Variants in TBXAS1 observed in about 807,000 individuals in gnomAD.
The protein encoded by TBXAS1 is thromboxane A synthase 1.
A neutral mutation model predicts 60.7 loss-of-function variants in TBXAS1; 48 were observed. The ratio of observed to expected loss-of-function variants is 0.79; its 90% confidence interval spans 0.63 to 1.01. The LOEUF (loss-of-function observed/expected upper bound fraction) is 1.01. Ranked by LOEUF, TBXAS1 falls within the 50% of genes least tolerant of loss-of-function variation. The probability of loss-of-function intolerance (pLI) is 0.00; values close to 1 mark genes in which losing one functional copy is unlikely to be tolerated. For missense variants in TBXAS1, 685 were observed against 686.3 expected (o/e 1.00, Z 0.02); for synonymous variants, 287 against 269.7 (o/e 1.06, Z -0.63).
chr7:139,906,825 T>C (rs1444141437), intron 3 of TBXAS1, among the ~76,000 whole-genome samples: 1 of 152,230 alleles, frequency 6.6e-6, no homozygotes, highest in East Asian at 1.9e-4. Flanking sequence ...GTGCTTTCAT[T>C]TGGTTTACAC....
At chr7:139,905,041 TTCTTTCTTTCTTTCTTTC>T (rs1453050925) in intron 3 of TBXAS1, among the ~76,000 whole-genome samples, 4 of 88,068 alleles carry the variant, frequency 4.5e-5, no homozygotes, top group South Asian at 4.3e-4. Context: ...CTTTCTTTCT[TTCTTTCTTTCTTTCTTTC>T]TCTCTCTCTC....
intron 3 of TBXAS1, among the ~76,000 whole-genome samples, chr7:139,905,938 A>AT (rs140192408): frequency 0.032 from 4,762 of 149,986 alleles, 165 homozygotes; most frequent in African/African-American, 0.087. Flanking sequence ...ATTTTCAAAG[A>AT]TTTTTTTTTT....
Position 140,016,197 on chromosome 7 carries a change from G to A in TBXAS1, c.1364+337G>A, listed in dbSNP as rs191417732. On this transcript the variant is annotated intron_variant, in intron 11 of 12. Coordinates refer to ENST00000448866, the MANE Select transcript of TBXAS1 (RefSeq NM_001061.7). The stretch of plus-strand genomic sequence containing the variant: ...CAAAAACTTAGCTGGGCGTGGTGGC[G>A]GGCGCCTGTAGTCCCAGCTACTTGG... Among the ~76,000 whole-genome samples the A allele has an allele frequency of 2.4e-3, 361 of 151,932 alleles. 3 individuals are homozygous for A. The highest frequency in any genetic ancestry group is 0.014 in the Admixed American group (206 of 15,258).
intron 4 of TBXAS1, among the ~76,000 whole-genome samples, chr7:139,797,952 T>C (rs1026575120): frequency 6.6e-6 from 1 of 152,224 alleles, no homozygotes; most frequent in African/African-American, 2.4e-5. Context: ...GAAATTCTTC[T>C]CCTTGGAACA....
intron 4 of TBXAS1, among the ~76,000 whole-genome samples, chr7:139,804,190 G>T (rs1364437528): frequency 2.0e-5 from 3 of 152,242 alleles, no homozygotes; most frequent in African/African-American, 7.2e-5. Flanking sequence ...GCTTGTGTCA[G>T]CATGCCCTGG....
intron 3 of TBXAS1, among the ~76,000 whole-genome samples, chr7:139,892,798 G>C (rs572532183): frequency 6.6e-6 from 1 of 152,082 alleles, no homozygotes; most frequent in Non-Finnish European, 1.5e-5. Context: ...GGAGTCTGCC[G>C]AATTCAGAAG....
intron 5 of TBXAS1, among the ~76,000 whole-genome samples, chr7:139,953,150 A>T (rs559921182): frequency 6.6e-6 from 1 of 152,370 alleles, no homozygotes; most frequent in South Asian, 2.1e-4. Context: ...TTCCAAAGAT[A>T]AAAAATGCTT....
intron 9 of TBXAS1, among the ~76,000 whole-genome samples, chr7:139,977,600 C>T (rs1811658702): frequency 6.6e-6 from 1 of 152,150 alleles, no homozygotes; most frequent in Non-Finnish European, 1.5e-5. Context: ...CAGGCCCACA[C>T]CTTGTCTCAG....
At chr7:139,947,909 G>A (rs1440598829) in intron 5 of TBXAS1, among the ~76,000 whole-genome samples, 3 of 151,764 alleles carry the variant, frequency 2.0e-5, no homozygotes, top group Non-Finnish European at 4.4e-5. Context: ...CTGTCACCCA[G>A]GCTGGAGTGC....
At chr7:139,891,459 C>A (rs922682339) in intron 3 of TBXAS1, among the ~76,000 whole-genome samples, 1 of 151,994 alleles carries the variant, frequency 6.6e-6, no homozygotes, top group African/African-American at 2.4e-5. Context: ...ATGAAAAGGG[C>A]GTGTGGCTAG....
intron 4 of TBXAS1, among the ~76,000 whole-genome samples, chr7:139,796,093 A>G (rs987270064): frequency 5.9e-5 from 9 of 152,204 alleles, no homozygotes; most frequent in African/African-American, 2.2e-4. Context: ...TTTGTTTAGA[A>G]CAAACCATAT....
At chr7:139,973,555 CTTT>C (rs8192843) in intron 9 of TBXAS1, among the ~76,000 whole-genome samples, 7 of 137,496 alleles carry the variant, frequency 5.1e-5, no homozygotes, top group African/African-American at 5.4e-5. Context: ...GGTGAGCTTT[CTTT>C]TTTTTTTTTT....
At chr7:139,787,464 T>C (rs191156469) in intron 4 of TBXAS1, 1 of 152,336 alleles carries the variant, frequency 6.6e-6, no homozygotes, top group Admixed American at 6.5e-5. Flanking sequence ...TTCTTTGGGC[T>C]CTATTGACAT....
chr7:139,912,087 G>T (rs1024940255), intron 4 of TBXAS1, among the ~76,000 whole-genome samples: 1 of 151,984 alleles, frequency 6.6e-6, no homozygotes, highest in Non-Finnish European at 1.5e-5. Context: ...AAAATTAGCC[G>T]GGTGTGGTGG....
Position 139,943,907 on chromosome 7 carries a change from C to A in TBXAS1, c.450+7600C>A, listed in dbSNP as rs183139482. Among the ~76,000 whole-genome samples the A allele has an allele frequency of 6.1e-4, 93 of 152,116 alleles. No individual in the cohort carries two copies. In the East Asian group the frequency reaches 0.013, roughly 21 times the overall value. On this transcript the variant is annotated intron_variant, in intron 5 of 12. Transcript: ENST00000448866. ...AAAACCCAGAAATACGTTTAAATAC[C>A]TTCCCCCACCCCCAGCAGCTGACCC...
At chr7:139,802,213 C>T (rs949139415) in intron 4 of TBXAS1, among the ~76,000 whole-genome samples, 2 of 152,162 alleles carry the variant, frequency 1.3e-5, no homozygotes, top group African/African-American at 2.4e-5. Context: ...AAATGTATTT[C>T]CATTTTCTAC....
intron 9 of TBXAS1, among the ~76,000 whole-genome samples, chr7:139,976,683 C>T (rs1240853792): frequency 6.6e-6 from 1 of 152,148 alleles, no homozygotes; most frequent in Non-Finnish European, 1.5e-5. Context: ...GATTGGGTTC[C>T]GCCCCTGGAG....
chr7:139,955,285 A>T (rs984291020), intron 6 of TBXAS1, among the ~76,000 whole-genome samples, 174 bp from the exon 7 acceptor site: 1 of 151,984 alleles, frequency 6.6e-6, no homozygotes, highest in African/African-American at 2.4e-5. Flanking sequence ...TGCCCCATCC[A>T]GGAGCCCATC....
chr7:140,007,235 C>CT (rs569724845), intron 10 of TBXAS1, 53 bp downstream of exon 10: 15 of 1,530,526 alleles, frequency 9.8e-6, no homozygotes, highest in Middle Eastern at 1.7e-4. Context: ...CCCCTACCCC[C>CT]TGCCCCAGCC....
Sources: gnomAD v4.1 joint callset for allele counts (sites outside exome capture counted in the v4.1 genomes callset) on GRCh38, gnomAD v4.1.1 for gene constraint, MANE v1.5 for transcripts, NCBI Gene and HGNC (gene_info 2026-07-23, HGNC 2026-07-21) for gene names.